The following PPP2R5E variants were observed in gnomAD, a reference collection of about 807,000 sequenced individuals.
PPP2R5E encodes the protein serine/threonine-protein phosphatase 2A 56 kDa regulatory subunit epsilon isoform.
A neutral mutation model predicts 65.3 loss-of-function variants in PPP2R5E; 4 were observed. The observed-to-expected ratio is 0.06, with a 90% CI of 0.03 to 0.14. The LOEUF (loss-of-function observed/expected upper bound fraction) is 0.14. PPP2R5E is among the 10% of genes least tolerant of loss of function. PPP2R5E has a pLI of 1.00. For synonymous variants in PPP2R5E, 183 were observed against 187.4 expected, an observed-to-expected ratio of 0.98 and a Z score of 0.19; for missense variants, 274 against 556.1, an observed-to-expected ratio of 0.49 and a Z score of 5.10.
Position 63,474,665 on chromosome 14 carries a change from C to A in PPP2R5E, c.158-20780G>T, listed in dbSNP as rs1473190604. Among the ~76,000 whole-genome samples the A allele has an allele frequency of 9.8e-5, 10 of 102,156 alleles. No homozygotes were observed. In the Admixed American group the frequency reaches 9.8e-4, roughly 10 times the overall value. The allele number at this position is 102,156 out of a possible 152,430, so 67.0% of individuals were successfully genotyped here. A position where few individuals can be genotyped will look rare whatever the true frequency, so the allele number is the denominator to read the frequency against. ...CTCCAGCCTGGGCAATAGAGTGATACCCCATCTCAAAAAAAAAAAAAAAAA... is the reference window on the plus strand; with the variant it reads ...CTCCAGCCTGGGCAATAGAGTGATAACCCATCTCAAAAAAAAAAAAAAAAA... On this transcript the variant is annotated intron_variant, in intron 2 of 13. Transcript: ENST00000337537.
In PPP2R5E at chr14:63,530,630, CTTTTTTT is replaced by C. The variant is rs954359159; in HGVS notation, c.157+8892_157+8898del. Among the ~76,000 whole-genome samples, 120 of 81,292 alleles carry C rather than the reference CTTTTTTT, an allele frequency of 1.5e-3. 2 individuals carry two copies. The highest frequency in any genetic ancestry group is 2.0e-3 in the Non-Finnish European group (88 of 44,360). 53.3% of individuals were successfully genotyped at this position (81,292 alleles called of 152,430 possible). On this transcript the variant is annotated intron_variant, in intron 2 of 13. Transcript: ENST00000337537. ...TATCAGGTACACTGACTCTCAATTT[CTTTTTTT>C]TTTTTTTTTTTTTTTTTTGAGACAC... is the stretch of plus-strand genomic sequence containing the variant.
chr14:63,465,412 G>A (rs536930111), intron 2 of PPP2R5E, among the ~76,000 whole-genome samples: 1 of 136,178 alleles, frequency 7.3e-6, no homozygotes, highest in East Asian at 2.1e-4. Flanking sequence ...CCAAGAGTTC[G>A]AGACCAGCCT....
chr14:63,406,410 CAAAA>C (rs569875121), intron 5 of PPP2R5E, among the ~76,000 whole-genome samples: 17 of 83,348 alleles, frequency 2.0e-4, no homozygotes, highest in African/African-American at 6.6e-4. Flanking sequence ...GACTTCATCT[CAAAA>C]AAAAAAAAAA....
chr14:63,529,970 G>A (rs28688632), intron 2 of PPP2R5E, among the ~76,000 whole-genome samples: 16,358 of 152,060 alleles, frequency 0.11, 936 homozygotes, highest in East Asian at 0.16. Context: ...CAGCTAACAC[G>A]ATACTCAGAA....
intron 3 of PPP2R5E, among the ~76,000 whole-genome samples, chr14:63,437,792 C>T (rs1438660702): frequency 2.0e-5 from 3 of 152,134 alleles, no homozygotes; most frequent in African/African-American, 7.2e-5. Flanking sequence ...ATAGAACTTC[C>T]TTGTCCATTT....
At chr14:63,469,496 T>C (rs1890006871) in intron 2 of PPP2R5E, among the ~76,000 whole-genome samples, 1 of 152,032 alleles carries the variant, frequency 6.6e-6, no homozygotes, top group Non-Finnish European at 1.5e-5. Context: ...ATCAAGACCA[T>C]CCTGGCTAAC....
intron 2 of PPP2R5E, among the ~76,000 whole-genome samples, chr14:63,531,405 G>A (rs961702364): frequency 1.1e-4 from 17 of 150,424 alleles, no homozygotes; most frequent in African/African-American, 3.4e-4. Context: ...TTGTCCTTGC[G>A]ATGTATACAT....
intron 2 of PPP2R5E, among the ~76,000 whole-genome samples, chr14:63,495,429 A>G (rs1461543956): frequency 6.1e-5 from 9 of 146,914 alleles, no homozygotes; most frequent in Admixed American, 6.0e-4. Context: ...AAAAAAAAAA[A>G]AAAAATTAGC....
chr14:63,526,605 G>A (rs1264583308), intron 2 of PPP2R5E, among the ~76,000 whole-genome samples: 5 of 151,990 alleles, frequency 3.3e-5, no homozygotes, highest in African/African-American at 1.2e-4. Context: ...CCAAGCTGGA[G>A]TGCAGCAGCA....
In PPP2R5E at chr14:63,474,227, G is replaced by A. The variant is rs778698297; in HGVS notation, c.158-20342C>T. On this transcript the variant is annotated intron_variant, in intron 2 of 13. Transcript: ENST00000337537. The stretch of plus-strand genomic sequence containing the variant: ...CTTGCTGATAGAAACTACTCTGGGG[G>A]GAGAATACAGAGGTGAAAAGTGACT... 3.9e-5 allele frequency among the ~76,000 whole-genome samples: 6 copies of A among 152,120 alleles called. No individual in the cohort carries two copies. In the East Asian group the frequency reaches 7.7e-4, roughly 20 times the overall value.
chr14:63,391,779 C>T, intron 10 of PPP2R5E, 38 bp downstream of exon 10: 1 of 1,598,306 alleles, frequency 6.3e-7, no homozygotes, highest in Non-Finnish European at 8.6e-7. Context: ...GCAAAATATT[C>T]AGTAAGCTAT....
chr14:63,532,454 C>T (rs1893474679), intron 2 of PPP2R5E, among the ~76,000 whole-genome samples: 1 of 152,146 alleles, frequency 6.6e-6, no homozygotes, highest in Admixed American at 6.6e-5. Flanking sequence ...TTAAAAACTG[C>T]TTCTTTGAAA....
chr14:63,405,188 T>C (rs1412370935), intron 5 of PPP2R5E, among the ~76,000 whole-genome samples: 1 of 152,212 alleles, frequency 6.6e-6, no homozygotes, highest in Non-Finnish European at 1.5e-5. Context: ...TGGCAATGGC[T>C]ATCTCATAAA....
At chr14:63,429,774 C>T (rs1887528706) in intron 3 of PPP2R5E, among the ~76,000 whole-genome samples, 1 of 152,012 alleles carries the variant, frequency 6.6e-6, no homozygotes, top group African/African-American at 2.4e-5. Context: ...ACCTCCACCT[C>T]CCCGATTCAA....
At chr14:63,512,996 T>TA (rs1467834533) in intron 2 of PPP2R5E, among the ~76,000 whole-genome samples, 1 of 128,674 alleles carries the variant, frequency 7.8e-6, no homozygotes, top group African/African-American at 3.2e-5. Flanking sequence ...TCCACCCCCC[T>TA]ACCCCCCACC....
At chr14:63,486,858 T>C (rs938409948) in intron 2 of PPP2R5E, among the ~76,000 whole-genome samples, 6 of 152,238 alleles carry the variant, frequency 3.9e-5, no homozygotes, top group African/African-American at 1.4e-4. Context: ...TCCTGGCTGA[T>C]TCCCTGAACC....
intron 3 of PPP2R5E, among the ~76,000 whole-genome samples, chr14:63,446,456 T>G (rs1031183461): frequency 3.3e-5 from 5 of 152,186 alleles, no homozygotes; most frequent in Non-Finnish European, 1.5e-5. Flanking sequence ...AGAAATGAAT[T>G]TCTTAAATAA....
intron 2 of PPP2R5E, among the ~76,000 whole-genome samples, chr14:63,488,464 A>G (rs1029848635): frequency 5.3e-5 from 8 of 152,090 alleles, no homozygotes; most frequent in African/African-American, 1.9e-4. Flanking sequence ...TGGCCTCCCA[A>G]AGTGCTGAGA....
chr14:63,538,733 T>C (rs1390350388), intron 2 of PPP2R5E, among the ~76,000 whole-genome samples: 1 of 150,934 alleles, frequency 6.6e-6, no homozygotes, highest in Non-Finnish European at 1.5e-5. Context: ...TCACTTGGGG[T>C]CAGGAGTTCA....
Sources: gnomAD v4.1 joint callset for allele counts (sites outside exome capture counted in the v4.1 genomes callset) on GRCh38, gnomAD v4.1.1 for gene constraint, MANE v1.5 for transcripts, NCBI Gene and HGNC (gene_info 2026-07-23, HGNC 2026-07-21) for gene names.